The following ZFHX3 variants were observed in gnomAD, a reference collection of about 807,000 sequenced individuals.
The protein encoded by ZFHX3 is zinc finger homeobox protein 3.
A neutral mutation model predicts 279.1 loss-of-function variants in ZFHX3; 42 were observed. That is an observed-to-expected ratio of 0.15 (90% confidence interval 0.12 to 0.19). The LOEUF (loss-of-function observed/expected upper bound fraction) is 0.19. Among genes scored for constraint, ZFHX3 ranks in the 10% least tolerant of loss-of-function variants. The probability of loss-of-function intolerance (pLI) is 1.00; values close to 1 mark genes in which losing one functional copy is unlikely to be tolerated. For synonymous variants in ZFHX3, 2,293 were observed against 1,957.8 expected (o/e 1.17, Z -4.52); for missense variants, 4,981 against 4,754.0 (o/e 1.05, Z -1.40).
chr16:72,787,446 G>C lies in ZFHX3; in HGVS notation c.10830C>G (p.Pro3610=), dbSNP rs560840757. The C allele has an allele frequency of 1.3e-3, 2,110 of 1,605,262 alleles. 31 individuals carry two copies. In the South Asian group the frequency reaches 0.022, roughly 17 times the overall value. ...PSAAAPSSAS[P]HASRKSWPQV... is the part of the protein sequence containing the mutation. ...GCGGCCAAGACTTCCTGGAGGCGTG[G>C]GGGGAAGCGGAGGAGGGGGCGGCGG... Residue 3610 remains proline (P), a synonymous_variant, in exon 10 of 10, where the codon CCC becomes CCG. Transcript: ENST00000268489.
intron 5 of ZFHX3, among the ~76,000 whole-genome samples, chr16:73,171,218 T>A (rs1402573414): frequency 6.6e-6 from 1 of 152,036 alleles, no homozygotes; most frequent in African/African-American, 2.4e-5. Context: ...GCCATATAAT[T>A]TATCATCCAA....
rs1451097307 is a variant in ZFHX3, at chr16:73,337,893, G to GGGGA, written c.-1290-19558_-1290-19557insTCCC. On this transcript the variant is annotated intron_variant, in intron 3 of 17. Coordinates refer to the ZFHX3 transcript ENST00000641206. ...CAATAAGTCTTCATCTTCCCTTGGC[G>GGGGA]GGGGGGGGGGTCCTCATCCCCTTTT... 3.5e-4 allele frequency among the ~76,000 whole-genome samples: 9 copies of GGGGA among 25,420 alleles called. 2 individuals carry two copies. Among genetic ancestry groups the GGGGA allele is most frequent in the Non-Finnish European group, 2.8e-3 (8 of 2,876 alleles). 16.7% of individuals were successfully genotyped at this position (25,420 alleles called of 152,430 possible). A position where few individuals can be genotyped will look rare whatever the true frequency, so the allele number is the denominator to read the frequency against.
At chr16:73,113,987 G>A (rs1489436587) in intron 7 of ZFHX3, among the ~76,000 whole-genome samples, 1 of 151,632 alleles carries the variant, frequency 6.6e-6, no homozygotes, top group Non-Finnish European at 1.5e-5. Flanking sequence ...TAGTAGAGAT[G>A]GGGTTTCACC....
chr16:73,629,075 G>C (rs1041900925), intron 2 of ZFHX3, among the ~76,000 whole-genome samples: 4 of 152,170 alleles, frequency 2.6e-5, no homozygotes, highest in Non-Finnish European at 5.9e-5. Context: ...TGACAAAGTT[G>C]ATCCCAAAGG....
intron 1 of ZFHX3, among the ~76,000 whole-genome samples, chr16:73,710,825 TCA>T (rs1259611720): frequency 6.6e-6 from 1 of 152,178 alleles, no homozygotes; most frequent in Non-Finnish European, 1.5e-5. Flanking sequence ...TTGTACAACC[TCA>T]CACACTTTAT....
Position 72,787,772 on chromosome 16 carries a change from G to A in ZFHX3, c.10504C>T (p.Leu3502Phe). The part of the protein sequence containing the change: ...QSVVNLQEMV[L>F]HVPTGGGGGG... ...CCGCCGCCGCCGGTGGGGACGTGAA[G>A]CACCATCTCTTGCAGGTTCACCACA... Residue 3502 changes from leucine to phenylalanine, a missense_variant, in exon 10 of 10, where the codon CTT (leucine) becomes TTT (phenylalanine). Coordinates refer to ENST00000268489, the MANE Select transcript of ZFHX3 (RefSeq NM_006885.4). The A allele has an allele frequency of 1.3e-6, 2 of 1,513,442 alleles. No homozygotes were observed. Among genetic ancestry groups the A allele is most frequent in the Non-Finnish European group, 1.8e-6 (2 of 1,130,134 alleles). The allele number at this position is 1,513,442 out of a possible 1,614,324, so 93.8% of individuals were successfully genotyped here.
chr16:73,835,034 C>T (rs1961101547), intron 1 of ZFHX3, among the ~76,000 whole-genome samples: 1 of 152,156 alleles, frequency 6.6e-6, no homozygotes, highest in Non-Finnish European at 1.5e-5. Flanking sequence ...AGGTGGCCCT[C>T]GGAAGTGACT....
chr16:72,925,363 C>T (rs758859625), intron 3 of ZFHX3, among the ~76,000 whole-genome samples: 13 of 152,206 alleles, frequency 8.5e-5, no homozygotes, highest in African/African-American at 2.9e-4. Context: ...TTTTTAAACA[C>T]AAAGTTCAAC....
chr16:73,745,621 A>G (rs960486158), intron 1 of ZFHX3, among the ~76,000 whole-genome samples: 9 of 152,216 alleles, frequency 5.9e-5, no homozygotes, highest in African/African-American at 2.2e-4. Context: ...TTAGCCTTCC[A>G]CCTGTCATTT....
intron 1 of ZFHX3, among the ~76,000 whole-genome samples, chr16:73,758,826 T>A (rs2053836063): frequency 6.6e-6 from 1 of 152,220 alleles, no homozygotes; most frequent in African/African-American, 2.4e-5. Context: ...CACTTTGAGT[T>A]CTATAGGAAT....
chr16:73,526,070 C>A (rs997621300), intron 2 of ZFHX3, among the ~76,000 whole-genome samples: 6 of 152,170 alleles, frequency 3.9e-5, no homozygotes, highest in Non-Finnish European at 2.9e-5. Context: ...TGCAGGAAGC[C>A]AGCTTGGTCC....
At chr16:73,099,823 C>G (rs980619637) in intron 7 of ZFHX3, among the ~76,000 whole-genome samples, 4 of 151,844 alleles carry the variant, frequency 2.6e-5, no homozygotes, top group African/African-American at 9.7e-5. Flanking sequence ...GCCAAATGTT[C>G]AGAGTCATCT....
intron 5 of ZFHX3, among the ~76,000 whole-genome samples, chr16:73,214,725 A>G (rs901005056): frequency 6.6e-6 from 1 of 151,976 alleles, no homozygotes; most frequent in African/African-American, 2.4e-5. Context: ...ATACAACTCA[A>G]CACAAGAGCC....
chr16:73,450,071 A>G (rs2018257204), intron 3 of ZFHX3, among the ~76,000 whole-genome samples: 1 of 152,206 alleles, frequency 6.6e-6, no homozygotes, highest in African/African-American at 2.4e-5. Context: ...ATAATTTGAT[A>G]TACATATACA....
At chr16:73,199,095 C>T (rs1192680360) in intron 5 of ZFHX3, among the ~76,000 whole-genome samples, 1 of 152,192 alleles carries the variant, frequency 6.6e-6, no homozygotes, top group Non-Finnish European at 1.5e-5. Flanking sequence ...TTTCTAGAGT[C>T]ATCTGTGAAT....
At chr16:72,884,682 C>T (rs2038577853) in intron 4 of ZFHX3, among the ~76,000 whole-genome samples, 1 of 152,204 alleles carries the variant, frequency 6.6e-6, no homozygotes, top group African/African-American at 2.4e-5. Flanking sequence ...GGCCTGTGTT[C>T]TCAAAGCCCA....
intron 5 of ZFHX3, among the ~76,000 whole-genome samples, chr16:73,177,305 G>A (rs72797311): frequency 2.0e-5 from 3 of 152,180 alleles, no homozygotes; most frequent in African/African-American, 4.8e-5. Context: ...GTTTGAATGG[G>A]TAGCAGATAA....
chr16:72,972,144 C>T (rs767799019), intron 1 of ZFHX3, among the ~76,000 whole-genome samples: 2 of 152,052 alleles, frequency 1.3e-5, no homozygotes, highest in African/African-American at 4.8e-5. Flanking sequence ...CCACCCACCT[C>T]GGCCACCTAA....
chr16:73,112,279 AGAG>A (rs2144799896), intron 7 of ZFHX3, among the ~76,000 whole-genome samples: 1 of 152,190 alleles, frequency 6.6e-6, no homozygotes, highest in South Asian at 2.1e-4. Flanking sequence ...AGGAGCCTAC[AGAG>A]GAGTCGACAC....
Sources: allele counts gnomAD v4.1 joint callset (sites outside exome capture counted in the v4.1 genomes callset), GRCh38; gene constraint gnomAD v4.1.1; transcripts MANE v1.5; gene names NCBI Gene and HGNC (gene_info 2026-07-23, HGNC 2026-07-21).